F7: variants seen among roughly 807,000 people sequenced by gnomAD.
F7 encodes the protein FVII coagulation protein.
A neutral mutation model predicts 47.5 loss-of-function variants in F7; 38 were observed. The ratio of observed to expected loss-of-function variants is 0.80; its 90% CI spans 0.62 to 1.05. F7 has a LOEUF of 1.05. F7 is among the 50% of genes least tolerant of loss of function. The pLI is 0.00. For synonymous variants in F7, 244 were observed against 258.5 expected (o/e 0.94, Z 0.54); for missense variants, 575 against 605.4 (o/e 0.95, Z 0.53).
intron 2 of F7, 49 bp downstream of exon 2, chr13:113,110,899 G>A: frequency 6.5e-7 from 1 of 1,539,882 alleles, no homozygotes; most frequent in Non-Finnish European, 8.8e-7. Flanking sequence ...GCAGGCGGCG[G>A]TGAACCAGGC....
Position 113,116,789 on chromosome 13 carries a change from C to A in F7, c.529C>A (p.Pro177Thr). ...AGTTGAATATCCATGTGGAAAAATA[C>A]CTATTCTAGAAAAAAGAAATGCCAG... The part of the protein sequence containing the change: ...PTVEYPCGKI[P>T]ILEKRNASKP... Residue 177 changes from proline to threonine, a missense_variant, in exon 6 of 8, where the codon CCT (proline) becomes ACT (threonine). Physicochemically the swap from Pro to Thr is conservative, Grantham distance 38. Transcript: ENST00000346342. 1.2e-6 allele frequency: 2 copies of A among 1,613,728 alleles called. No homozygotes were observed.
Position 113,118,747 on chromosome 13 carries a change from C to T in F7, c.1074C>T (p.Ser358=). ...CLQQSRKVGD[S]PNITEYMFCA... is the part of the protein sequence containing the mutation. ...AGCAGTCACGGAAGGTGGGAGACTCCCCAAATATCACGGAGTACATGTTCT... is the reference window on the plus strand; with the variant it reads ...AGCAGTCACGGAAGGTGGGAGACTCTCCAAATATCACGGAGTACATGTTCT... The change falls in exon 8 of 8, where the codon TCC becomes TCT. Residue 358 remains serine, a synonymous_variant. Coordinates refer to ENST00000346342, the MANE Select transcript of F7 (RefSeq NM_019616.4). 1 of 1,613,116 alleles carries T rather than the reference C, an allele frequency of 6.2e-7. No homozygotes were observed. Among genetic ancestry groups the T allele is most frequent in the Non-Finnish European group, 8.5e-7 (1 of 1,179,942 alleles).
rs1268034138 is a variant in F7, at chr13:113,113,618, G to A, written c.226-134G>A. On this transcript the variant is annotated intron_variant, in intron 2 of 7. Coordinates refer to ENST00000346342, the MANE Select transcript of F7 (RefSeq NM_019616.4). This position sits in a 1 kb window ranked among gnomAD's most constrained non-coding sequence, Gnocchi z 4.1. ...AAACCTACCTCAGCTCCAGAGGAAA[G>A]TCTGGCTTCCTGAGCCCACCCCGCC... 2.3e-6 allele frequency: 2 copies of A among 869,400 alleles called. No individual in the cohort carries two copies. Among genetic ancestry groups the A allele is most frequent in the Non-Finnish European group, 3.9e-6 (2 of 511,622 alleles). 53.9% of individuals were successfully genotyped at this position (869,400 alleles called of 1,614,324 possible).
chr13:113,117,632 G>A (rs1426810685), intron 7 of F7, 36 bp downstream of exon 7: 1 of 1,498,668 alleles, frequency 6.7e-7, no homozygotes, highest in Admixed American at 1.9e-5. Flanking sequence ...CCGCGGTGCT[G>A]GGTGGGTGCC....
chr13:113,110,613 C>A, intron 1 of F7, 77 bp from the exon 2 acceptor site: 1 of 1,532,622 alleles, frequency 6.5e-7, no homozygotes, highest in Non-Finnish European at 8.8e-7. Flanking sequence ...ATGCCCCCGC[C>A]GCGTGGGCCG....
Position 113,120,504 on chromosome 13 carries a change from GCACT to G in F7, c.*1500_*1503del, listed in dbSNP as rs539395699. The G allele has an allele frequency of 2.4e-3, 378 of 155,826 alleles. 2 individuals carry two copies. Among genetic ancestry groups the G allele is most frequent in the South Asian group, 0.014 (75 of 5,348 alleles). The allele number at this position is 155,826 out of a possible 1,614,324, so 9.7% of individuals were successfully genotyped here. On this transcript the variant is annotated 3_prime_UTR_variant, in exon 8 of 8. Transcript: ENST00000346342. ...TGCAGGGCCGTCCTGGGCACCACTG[GCACT>G]CACAGCAGCAAGGTGGGCACCATTG...
At chr13:113,112,116 C>T (rs1042856956) in intron 2 of F7, among the ~76,000 whole-genome samples, 1 of 142,340 alleles carries the variant, frequency 7.0e-6, no homozygotes, top group African/African-American at 2.7e-5. Flanking sequence ...ACAGAGGTCA[C>T]CTCACACGGG....
intron 1 of F7, chr13:113,106,896 C>T (rs758592235): frequency 1.7e-5 from 27 of 1,605,590 alleles, no homozygotes; most frequent in East Asian, 2.2e-5. Flanking sequence ...CCGTGGAAGC[C>T]GGGGCCTCAC....
At chr13:113,112,531 C>G (rs1364430411) in intron 2 of F7, among the ~76,000 whole-genome samples, 3 of 146,736 alleles carry the variant, frequency 2.0e-5, no homozygotes, top group African/African-American at 7.6e-5. Flanking sequence ...TCACAGGACA[C>G]CTCCCTCTCA....
chr13:113,118,265 C>A (rs2036231581), intron 7 of F7, 148 bp from the exon 8 acceptor site: 2 of 881,086 alleles, frequency 2.3e-6, no homozygotes, highest in African/African-American at 1.7e-5. Context: ...GCAGGCTGGC[C>A]CCACCTTGGG....
In F7 at chr13:113,118,508, C is replaced by T. The variant is rs781596482; in HGVS notation, c.835C>T (p.His279Tyr). The T allele has an allele frequency of 6.2e-7, 1 of 1,611,128 alleles. No individual in the cohort carries two copies. The highest frequency in any genetic ancestry group is 1.3e-5 in the African/African-American group (1 of 74,914). Residue 279 changes from histidine to tyrosine, a missense_variant, in exon 8 of 8, where the codon CAC (histidine) becomes TAC (tyrosine). His to Tyr is a moderately conservative substitution (Grantham distance 83). Coordinates refer to ENST00000346342, the MANE Select transcript of F7 (RefSeq NM_019616.4). ...PSTYVPGTTN[H>Y]DIALLRLHQP... ...CACGTACGTCCCGGGCACCACCAACCACGACATCGCGCTGCTCCGCCTGCA... is the reference window on the plus strand; with the variant it reads ...CACGTACGTCCCGGGCACCACCAACTACGACATCGCGCTGCTCCGCCTGCA...
chr13:113,113,636 A>C lies in F7; in HGVS notation c.226-116A>C, dbSNP rs1595075081. The C allele has an allele frequency of 9.3e-7, 1 of 1,078,030 alleles. No homozygotes were observed. The highest frequency in any genetic ancestry group is 2.4e-5 in the East Asian group (1 of 42,460). The allele number at this position is 1,078,030 out of a possible 1,614,324, so 66.8% of individuals were successfully genotyped here. On this transcript the variant is annotated intron_variant, in intron 2 of 7. Coordinates refer to ENST00000346342, the MANE Select transcript of F7 (RefSeq NM_019616.4). This position sits in a 1 kb window ranked among gnomAD's most constrained non-coding sequence, Gnocchi z 4.1. ...GAGGAAAGTCTGGCTTCCTGAGCCC[A>C]CCCCGCCAGACCCAGGTCCAAGTCC...
chr13:113,115,500 TC>T (rs2036177260), intron 4 of F7, among the ~76,000 whole-genome samples, 159 bp from the exon 5 acceptor site: 1 of 152,140 alleles, frequency 6.6e-6, no homozygotes, highest in African/African-American at 2.4e-5. Context: ...TTTGGATCAG[TC>T]CACGGAGCAG....
rs764114837 is a variant in F7, at chr13:113,116,836, G to C, written c.576G>C (p.Val192=). 10 of 1,613,652 alleles carry C rather than the reference G, an allele frequency of 6.2e-6. No homozygotes were observed. In the African/African-American group the frequency reaches 1.1e-4, roughly 17 times the overall value. ...CCAGCAAACCCCAAGGCCGAATTGT[G>C]GGGGGCAAGGTGTGCCCCAAAGGGG... The part of the protein sequence containing the change: ...RNASKPQGRI[V]GGKVCPKGEC... Residue 192 remains valine, a synonymous_variant, in exon 6 of 8, where the codon GTG becomes GTC. Coordinates refer to ENST00000346342, the MANE Select transcript of F7 (RefSeq NM_019616.4).
chr13:113,113,242 C>G lies in F7; in HGVS notation c.226-510C>G, dbSNP rs1217840109. On this transcript the variant is annotated intron_variant, in intron 2 of 7. Transcript: ENST00000346342. The surrounding 1 kb of genome is among the most constrained non-coding windows in gnomAD (Gnocchi z 4.1). ...TCCAGACAAATTGAGGATGGTCATG[C>G]CTAGCATTTTTATACACCTAGTTTT... Among the ~76,000 whole-genome samples, 1 of 152,228 alleles carries G rather than the reference C, an allele frequency of 6.6e-6. No homozygotes were observed. The highest frequency in any genetic ancestry group is 1.5e-5 in the Non-Finnish European group (1 of 68,038).
chr13:113,108,582 G>T (rs1384414279), intron 1 of F7, among the ~76,000 whole-genome samples: 8 of 74,896 alleles, frequency 1.1e-4, no homozygotes, highest in Admixed American at 2.3e-4. Context: ...GGGTGTCCCG[G>T]GAGTGTGGGT....
At chr13:113,116,928 T>C (rs762005961) in intron 6 of F7, 53 bp downstream of exon 6, 16 of 1,417,786 alleles carry the variant, frequency 1.1e-5, no homozygotes, top group Non-Finnish European at 1.6e-5. Flanking sequence ...TTGAAGCCTT[T>C]TGAATGTGAA....
Position 113,113,754 on chromosome 13 carries a change from G to A in F7, c.228G>A (p.Lys76=), listed in dbSNP as rs926423257. ...REIFKDAERT[K]LFWISYSDGD... is the part of the protein sequence containing the mutation. ...GGCTTGCTCTCTTGTTCCTTCAGAA[G>A]CTGTTCTGGATTTCTTACAGTGGTG... is the stretch of plus-strand genomic sequence containing the variant. The change falls in exon 3 of 8, where the codon AAG becomes AAA. Residue 76 remains lysine, a splice_region_variant and synonymous_variant. Coordinates refer to ENST00000346342, the MANE Select transcript of F7 (RefSeq NM_019616.4). The surrounding 1 kb of genome is among the most constrained non-coding windows in gnomAD (Gnocchi z 4.1). 2.5e-6 allele frequency: 4 copies of A among 1,614,090 alleles called. No homozygotes were observed. In the African/African-American group the frequency reaches 4.0e-5, roughly 16 times the overall value.
chr13:113,113,967 C>T lies in F7; in HGVS notation c.364+7C>T, dbSNP rs777626344. The T allele has an allele frequency of 6.2e-7, 1 of 1,613,784 alleles. No homozygotes were observed. Among genetic ancestry groups the T allele is most frequent in the Non-Finnish European group, 8.5e-7 (1 of 1,180,010 alleles). On this transcript the variant is annotated splice_region_variant and intron_variant, in intron 4 of 7. Transcript: ENST00000346342. This position sits in a 1 kb window ranked among gnomAD's most constrained non-coding sequence, Gnocchi z 4.1. ...GGCCGGAACTGTGAGACGCGTAAGG[C>T]CCCACTTTGGGTCCCATATTTGCAG...
Sources: allele counts gnomAD v4.1 joint callset (sites outside exome capture counted in the v4.1 genomes callset), GRCh38; gene constraint gnomAD v4.1.1; non-coding constraint Gnocchi (gnomAD v3.1); transcripts MANE v1.5; gene names NCBI Gene and HGNC (gene_info 2026-07-23, HGNC 2026-07-21).